The following GLRX3 variants were observed in gnomAD, a reference collection of about 807,000 sequenced individuals.
GLRX3 encodes the protein glutaredoxin-3.
GLRX3 carries 22 observed loss-of-function variants against 49.5 expected under a neutral mutation model. That is an observed-to-expected ratio of 0.44 (90% CI 0.32 to 0.63). GLRX3 has a LOEUF of 0.63. GLRX3 is among the 30% of genes least tolerant of loss of function. The pLI, the probability that GLRX3 is intolerant of heterozygous loss-of-function variation, is 0.05. For missense variants in GLRX3, 385 were observed against 396.3 expected (o/e 0.97, Z 0.24); for synonymous variants, 133 against 140.0 (o/e 0.95, Z 0.35).
intron 1 of GLRX3, among the ~76,000 whole-genome samples, chr10:130,138,728 G>A (rs1408725913): frequency 6.6e-6 from 1 of 151,960 alleles, no homozygotes; most frequent in African/African-American, 2.4e-5. Flanking sequence ...GTGTGGACCT[G>A]CCCTAAGTAA....
intron 2 of GLRX3, among the ~76,000 whole-genome samples, chr10:130,158,836 T>C (rs1318666375): frequency 6.6e-6 from 1 of 152,174 alleles, no homozygotes. Context: ...ATAAGTACAT[T>C]TTAAAAATGG....
At chr10:130,168,332 A>G (rs557025549) in intron 6 of GLRX3, among the ~76,000 whole-genome samples, 14 of 152,290 alleles carry the variant, frequency 9.2e-5, no homozygotes, top group Admixed American at 7.8e-4. Context: ...TTGTATTCCT[A>G]TATCTGTTCA....
intron 4 of GLRX3, among the ~76,000 whole-genome samples, chr10:130,162,081 G>T (rs535637821): frequency 5.3e-5 from 8 of 152,162 alleles, no homozygotes; most frequent in Non-Finnish European, 8.8e-5. Context: ...GGGGTCAAGC[G>T]ATTCTCCTGT....
Position 130,138,259 on chromosome 10 carries a change from G to A in GLRX3, c.92+1747G>A, listed in dbSNP as rs558943109. 1.1e-4 allele frequency among the ~76,000 whole-genome samples: 17 copies of A among 152,230 alleles called. No individual in the cohort carries two copies. In the South Asian group the frequency reaches 3.5e-3, roughly 32 times the overall value. Reference sequence around the variant, plus strand: ...TTTCGTAGAGGCAGGGTTTCCTCATGTTGCCCAGGCTGGTCTCTGGAACTC... The same window carrying A: ...TTTCGTAGAGGCAGGGTTTCCTCATATTGCCCAGGCTGGTCTCTGGAACTC... On this transcript the variant is annotated intron_variant, in intron 1 of 10. Coordinates refer to ENST00000331244, the MANE Select transcript of GLRX3 (RefSeq NM_006541.5).
At chr10:130,171,317 C>T (rs1022897819) in intron 7 of GLRX3, among the ~76,000 whole-genome samples, 1 of 151,830 alleles carries the variant, frequency 6.6e-6, no homozygotes, top group Admixed American at 6.6e-5. Flanking sequence ...AACTTTTTGA[C>T]CACAGAGAAT....
At chr10:130,169,654 C>G (rs1052668283) in intron 7 of GLRX3, among the ~76,000 whole-genome samples, 164 bp downstream of exon 7, 3 of 152,220 alleles carry the variant, frequency 2.0e-5, no homozygotes, top group South Asian at 2.1e-4. Context: ...ACAAAGTAAT[C>G]TACATTTTGC....
intron 2 of GLRX3, among the ~76,000 whole-genome samples, chr10:130,148,615 G>A: frequency 6.6e-6 from 1 of 151,814 alleles, no homozygotes; most frequent in East Asian, 1.9e-4. Context: ...TTCTTATTTT[G>A]TAGGAGCTGG....
intron 2 of GLRX3, among the ~76,000 whole-genome samples, chr10:130,154,471 G>A (rs1246855573): frequency 2.6e-5 from 4 of 152,088 alleles, no homozygotes; most frequent in East Asian, 3.9e-4. Flanking sequence ...TCTTGGAAGC[G>A]ATCTCAGCCT....
At position 130,136,444 on chromosome 10, in the gene GLRX3, A is replaced by G. The variant is rs1181577701; in HGVS notation, c.24A>G (p.Ala8=). 5.6e-6 allele frequency: 7 copies of G among 1,260,756 alleles called. No individual in the cohort carries two copies. The highest frequency in any genetic ancestry group is 7.0e-6 in the Non-Finnish European group (7 of 997,032). 78.1% of individuals were successfully genotyped at this position (1,260,756 alleles called of 1,614,324 possible). Residue 8 remains alanine, a synonymous_variant, in exon 1 of 11, where the codon GCA becomes GCG. Transcript: ENST00000331244. ...GCATGGCGGCGGGGGCGGCTGAGGC[A>G]GCTGTAGCGGCCGTGGAGGAGGTCG... MAAGAAE[A]AVAAVEEVGS...
At chr10:130,151,574 A>G (rs1466229106) in intron 2 of GLRX3, among the ~76,000 whole-genome samples, 2 of 146,806 alleles carry the variant, frequency 1.4e-5, no homozygotes, top group African/African-American at 2.5e-5. Flanking sequence ...CCCTGTGTCC[A>G]TGTGTTCTCA....
At chr10:130,137,771 G>C (rs1862090243) in intron 1 of GLRX3, among the ~76,000 whole-genome samples, 1 of 152,192 alleles carries the variant, frequency 6.6e-6, no homozygotes, top group Non-Finnish European at 1.5e-5. Flanking sequence ...GTCTGGCTCT[G>C]TCACCCAGGC....
intron 2 of GLRX3, among the ~76,000 whole-genome samples, chr10:130,146,407 A>G (rs1862271129): frequency 6.6e-6 from 1 of 152,148 alleles, no homozygotes; most frequent in Non-Finnish European, 1.5e-5. Context: ...GTAGAGGAAG[A>G]TGGAAGCCAG....
chr10:130,137,506 A>T (rs1310893778), intron 1 of GLRX3, among the ~76,000 whole-genome samples: 1 of 152,164 alleles, frequency 6.6e-6, no homozygotes. Context: ...GCAGCCACTC[A>T]GTAGCCATGT....
rs374581845 is a variant in GLRX3, at chr10:130,163,059, T to C, written c.478+2062T>C. 7.8e-4 allele frequency among the ~76,000 whole-genome samples: 119 copies of C among 152,336 alleles called. No homozygotes were observed. The Middle Eastern group carries it at 0.041, about 52-fold the overall frequency. On this transcript the variant is annotated intron_variant, in intron 4 of 10. Transcript: ENST00000331244. ...CATTTTTATATTTATATTAAACTTA[T>C]TTAAATTATGTTTATTATAATGGAG...
intron 1 of GLRX3, among the ~76,000 whole-genome samples, chr10:130,138,322 G>C (rs1172973931): frequency 1.3e-5 from 2 of 152,152 alleles, no homozygotes; most frequent in Non-Finnish European, 2.9e-5. Context: ...GCCTTGTAAA[G>C]TATCGGGATT....
chr10:130,142,483 T>C (rs1862194068), intron 1 of GLRX3, among the ~76,000 whole-genome samples: 1 of 152,238 alleles, frequency 6.6e-6, no homozygotes, highest in African/African-American at 2.4e-5. Context: ...CATCCTCAGC[T>C]GTCTTGTGTC....
chr10:130,150,231 C>A, intron 2 of GLRX3, among the ~76,000 whole-genome samples: 1 of 142,726 alleles, frequency 7.0e-6, no homozygotes. Context: ...CAGAGCAAGA[C>A]TCCATCTCAA....
At chr10:130,143,523 A>C (rs573635998) in intron 1 of GLRX3, among the ~76,000 whole-genome samples, 8 of 152,164 alleles carry the variant, frequency 5.3e-5, no homozygotes, top group Middle Eastern at 3.4e-3. Context: ...TGTTCATACT[A>C]TAAATGTTTA....
chr10:130,140,184 T>C (rs1188587778), intron 1 of GLRX3, among the ~76,000 whole-genome samples: 1 of 152,200 alleles, frequency 6.6e-6, no homozygotes, highest in Non-Finnish European at 1.5e-5. Flanking sequence ...TATCTGCAGA[T>C]GAATGTAGTA....
Sources: allele counts gnomAD v4.1 joint callset (sites outside exome capture counted in the v4.1 genomes callset), GRCh38; gene constraint gnomAD v4.1.1; transcripts MANE v1.5; gene names NCBI Gene and HGNC (gene_info 2026-07-23, HGNC 2026-07-21).